The following USP14 variants were observed in gnomAD, a reference collection of about 807,000 sequenced individuals.
USP14 encodes the protein ubiquitin specific peptidase 14.
USP14 carries 38 observed loss-of-function variants against 76.5 expected under a neutral mutation model. The observed-to-expected ratio is 0.50, with a 90% CI of 0.38 to 0.65. The LOEUF (loss-of-function observed/expected upper bound fraction) is 0.65. Among genes scored for constraint, USP14 ranks in the 30% least tolerant of loss-of-function variants. The pLI, the probability that USP14 is intolerant of heterozygous loss-of-function variation, is 0.00. For missense variants in USP14, 467 were observed against 586.5 expected (o/e 0.80, Z 2.10); for synonymous variants, 192 against 191.7 (o/e 1.00, Z -0.01).
intron 5 of USP14, among the ~76,000 whole-genome samples, chr18:180,557 GTAC>G (rs1044416838): frequency 3.9e-5 from 6 of 152,094 alleles, no homozygotes; most frequent in Non-Finnish European, 8.8e-5. Flanking sequence ...AAGCAGTGTC[GTAC>G]TCACTGGCAG....
At chr18:196,051 G>A (rs868211180) in intron 6 of USP14, among the ~76,000 whole-genome samples, 1 of 152,008 alleles carries the variant, frequency 6.6e-6, no homozygotes, top group Non-Finnish European at 1.5e-5. Context: ...AGCTGGGTGT[G>A]GTGGCTCACA....
intron 13 of USP14, among the ~76,000 whole-genome samples, 198 bp from the exon 14 acceptor site, chr18:209,772 AT>A (rs200586446): frequency 6.6e-6 from 1 of 152,106 alleles, no homozygotes; most frequent in South Asian, 2.1e-4. Flanking sequence ...CTGTAACAAG[AT>A]TTTATATTGT....
chr18:203,282 T>TG, intron 12 of USP14, 92 bp downstream of exon 12: 1 of 1,182,774 alleles, frequency 8.5e-7, no homozygotes, highest in Non-Finnish European at 1.2e-6. Flanking sequence ...TTAGGAATAG[T>TG]TAAGCTTTCT....
intron 6 of USP14, among the ~76,000 whole-genome samples, chr18:195,887 A>G (rs1009700549): frequency 3.3e-5 from 5 of 152,204 alleles, no homozygotes; most frequent in African/African-American, 1.2e-4. Flanking sequence ...AAGGCTGGCA[A>G]GAAGAAAGAG....
intron 6 of USP14, among the ~76,000 whole-genome samples, chr18:196,291 C>T (rs561181297): frequency 1.7e-4 from 25 of 150,986 alleles, no homozygotes; most frequent in Non-Finnish European, 2.7e-4. Context: ...CTGAAGTGAG[C>T]GGATCATGAG....
chr18:158,568 G>A lies in USP14; in HGVS notation c.-131G>A. The A allele has an allele frequency of 1.1e-6, 1 of 917,590 alleles. No individual in the cohort carries two copies. The highest frequency in any genetic ancestry group is 2.8e-5 in the Admixed American group (1 of 36,274). The allele number at this position is 917,590 out of a possible 1,614,324, so 56.8% of individuals were successfully genotyped here. ...CCAGTGGCCGGTTTGAATGAGACTC[G>A]TCGCACCGAAGCCGCCGCCACCACC... On this transcript the variant is annotated 5_prime_UTR_variant, in exon 1 of 16. Coordinates refer to ENST00000261601, the MANE Select transcript of USP14 (RefSeq NM_005151.4).
At chr18:163,526 T>A in intron 2 of USP14, 73 bp downstream of exon 2, 1 of 1,497,430 alleles carries the variant, frequency 6.7e-7, no homozygotes, top group Non-Finnish European at 9.0e-7. Context: ...CAGAAAATTA[T>A]TTAATTTTAA....
chr18:196,071 C>G (rs1159497223), intron 6 of USP14, among the ~76,000 whole-genome samples: 2 of 151,980 alleles, frequency 1.3e-5, no homozygotes, highest in East Asian at 1.9e-4. Flanking sequence ...ACCTGTAATC[C>G]CAGCACTTTG....
chr18:196,146 C>A (rs1567833863), intron 6 of USP14, among the ~76,000 whole-genome samples: 1 of 151,808 alleles, frequency 6.6e-6, no homozygotes, highest in Non-Finnish European at 1.5e-5. Flanking sequence ...CATGGTGAAA[C>A]CCTGTCTCTA....
rs200121257 is a variant in USP14, at chr18:169,657, G to T, written c.195+2838G>T. Among the ~76,000 whole-genome samples the T allele has an allele frequency of 4.4e-4, 67 of 152,086 alleles. 1 individual carries two copies. The East Asian group carries it at 0.011, about 25-fold the overall frequency. ...ATATAAAGGCACACCTCATTTTATTGTGCTTCACAGATAATTGTGATTTTT... is the reference window on the plus strand; with the variant it reads ...ATATAAAGGCACACCTCATTTTATTTTGCTTCACAGATAATTGTGATTTTT... On this transcript the variant is annotated intron_variant, in intron 3 of 15. Transcript: ENST00000261601.
intron 10 of USP14, among the ~76,000 whole-genome samples, chr18:202,339 A>G (rs1420798028): frequency 1.3e-5 from 2 of 152,246 alleles, no homozygotes; most frequent in Non-Finnish European, 2.9e-5. Context: ...GGCTGTAAGA[A>G]GCAGAAAGGT....
At chr18:174,609 CT>C (rs112640574) in intron 3 of USP14, among the ~76,000 whole-genome samples, 62,539 of 134,700 alleles carry the variant, frequency 0.46, 13,978 homozygotes, top group East Asian at 0.55. Context: ...ACTTTTCTTT[CT>C]TTTTTTTTTT....
At chr18:199,556 AT>A (rs1267196141) in intron 10 of USP14, among the ~76,000 whole-genome samples, 2 of 152,112 alleles carry the variant, frequency 1.3e-5, no homozygotes, top group Non-Finnish European at 2.9e-5. Flanking sequence ...TTAAAAAAAA[AT>A]TTCTGCTTTT....
intron 10 of USP14, among the ~76,000 whole-genome samples, chr18:201,511 G>A (rs1452900416): frequency 6.6e-6 from 1 of 152,206 alleles, no homozygotes; most frequent in African/African-American, 2.4e-5. Flanking sequence ...AGTGAGTCAC[G>A]CTCTGTCTTA....
rs1398235731 is a variant in USP14 at position 213,519 on chromosome 18, A to C, written c.*2235A>C. 7.6e-6 allele frequency: 1 copy of C among 131,854 alleles called. No individual in the cohort carries two copies. Among genetic ancestry groups the C allele is most frequent in the Non-Finnish European group, 1.7e-5 (1 of 57,854 alleles). 8.2% of individuals were successfully genotyped at this position (131,854 alleles called of 1,614,324 possible). ...CTTTGAGAAGGGAGAGGAGTAGGCC[A>C]AAAAAAAAAAAGTCTTGATTCCTGA... is the stretch of plus-strand genomic sequence containing the variant. On this transcript the variant is annotated 3_prime_UTR_variant, in exon 16 of 16. Coordinates refer to ENST00000261601, the MANE Select transcript of USP14 (RefSeq NM_005151.4).
chr18:188,471 A>G (rs1003367765), intron 5 of USP14, among the ~76,000 whole-genome samples: 6 of 143,602 alleles, frequency 4.2e-5, no homozygotes, highest in African/African-American at 1.5e-4. Flanking sequence ...GTCATTTGTT[A>G]GTAAGACTGA....
At chr18:185,388 C>T (rs1355628051) in intron 5 of USP14, among the ~76,000 whole-genome samples, 2 of 152,104 alleles carry the variant, frequency 1.3e-5, no homozygotes, top group Admixed American at 1.3e-4. Context: ...AAAATCCTCA[C>T]AAGTCATCTG....
In USP14 at chr18:213,254, G is replaced by A. The variant is rs1197494262; in HGVS notation, c.*1970G>A. ...TTTCTGACTGTAGCTACTAAATGTT[G>A]TAGCTACTAGACCAGGTGAGCTAGG... On this transcript the variant is annotated 3_prime_UTR_variant, in exon 16 of 16. Coordinates refer to ENST00000261601, the MANE Select transcript of USP14 (RefSeq NM_005151.4). The A allele has an allele frequency of 2.0e-5, 3 of 152,156 alleles. No individual in the cohort carries two copies. Among genetic ancestry groups the A allele is most frequent in the Admixed American group, 6.5e-5 (1 of 15,282 alleles). The allele number at this position is 152,156 out of a possible 1,614,324, so 9.4% of individuals were successfully genotyped here.
At chr18:188,711 T>C (rs1910003327) in intron 5 of USP14, among the ~76,000 whole-genome samples, 1 of 152,162 alleles carries the variant, frequency 6.6e-6, no homozygotes, top group South Asian at 2.1e-4. Context: ...AGAGTCTCGC[T>C]GTGTTGCCCA....
Sources: gnomAD v4.1 joint callset for allele counts (sites outside exome capture counted in the v4.1 genomes callset) on GRCh38, gnomAD v4.1.1 for gene constraint, MANE v1.5 for transcripts, NCBI Gene and HGNC (gene_info 2026-07-23, HGNC 2026-07-21) for gene names.